SULT1B1: variants seen among roughly 807,000 people sequenced by gnomAD.
SULT1B1 encodes sulfotransferase family 1B member 1.
Under a neutral mutation model 34.6 loss-of-function variants are expected in SULT1B1, and 28 were observed. The ratio of observed to expected loss-of-function variants is 0.81; its 90% CI spans 0.60 to 1.11. SULT1B1 has a LOEUF of 1.11. SULT1B1 is among the 50% of genes least tolerant of loss of function. The probability of loss-of-function intolerance (pLI) is 0.00; values close to 1 mark genes in which losing one functional copy is unlikely to be tolerated. For missense variants in SULT1B1, 374 were observed against 352.2 expected, an observed-to-expected ratio of 1.06 and a Z score of -0.50; for synonymous variants, 147 against 110.2, an observed-to-expected ratio of 1.33 and a Z score of -2.09.
intron 6 of SULT1B1, among the ~76,000 whole-genome samples, chr4:69,732,983 C>A (rs936668574): frequency 1.3e-5 from 2 of 151,794 alleles, no homozygotes; most frequent in African/African-American, 2.4e-5. Context: ...GCTAGAAAAT[C>A]GAGGTAGAAG....
At chr4:69,744,371 C>T (rs567690054) in intron 4 of SULT1B1, among the ~76,000 whole-genome samples, 2 of 152,252 alleles carry the variant, frequency 1.3e-5, no homozygotes, top group Non-Finnish European at 2.9e-5. Context: ...GGGTCCTGCC[C>T]GGCCATGCAA....
At position 69,727,019 on chromosome 4, in the gene SULT1B1, T is replaced by C; in HGVS notation, c.*69A>G. 8.7e-7 allele frequency: 1 copy of C among 1,143,074 alleles called. No homozygotes were observed. The highest frequency in any genetic ancestry group is 2.6e-5 in the East Asian group (1 of 38,460). 70.8% of individuals were successfully genotyped at this position (1,143,074 alleles called of 1,614,324 possible). The stretch of plus-strand genomic sequence containing the variant: ...AATTCATTTGATTGCCCAAATCAAT[T>C]CATAACTGCCCTCGTTTCAATCAAC... On this transcript the variant is annotated 3_prime_UTR_variant, in exon 8 of 8. Coordinates refer to ENST00000310613, the MANE Select transcript of SULT1B1 (RefSeq NM_014465.4).
At chr4:69,746,101 T>C (rs906761538) in intron 4 of SULT1B1, among the ~76,000 whole-genome samples, 1 of 152,226 alleles carries the variant, frequency 6.6e-6, no homozygotes, top group Non-Finnish European at 1.5e-5. Context: ...GTTTCCTTTG[T>C]ACATGACCTG....
At chr4:69,743,418 T>C (rs527241976) in intron 4 of SULT1B1, among the ~76,000 whole-genome samples, 2 of 152,244 alleles carry the variant, frequency 1.3e-5, no homozygotes, top group East Asian at 3.9e-4. Flanking sequence ...TGCAGTCCCA[T>C]TGGTCCATGG....
chr4:69,758,086 T>C, intron 1 of SULT1B1, among the ~76,000 whole-genome samples: 1 of 152,212 alleles, frequency 6.6e-6, no homozygotes, highest in Non-Finnish European at 1.5e-5. Flanking sequence ...ACTTTGTTAG[T>C]GGAGATAGTC....
At chr4:69,744,428 G>T (rs1038129175) in intron 4 of SULT1B1, among the ~76,000 whole-genome samples, 2 of 152,176 alleles carry the variant, frequency 1.3e-5, no homozygotes, top group African/African-American at 4.8e-5. Flanking sequence ...GGGGCACAGG[G>T]GTCCCACTGC....
In SULT1B1 at chr4:69,734,345, A is replaced by G; in HGVS notation, c.376-81T>C. On this transcript the variant is annotated intron_variant, in intron 4 of 7. Coordinates refer to ENST00000310613, the MANE Select transcript of SULT1B1 (RefSeq NM_014465.4). ...GGAAAAAATTAACCTATACGCATGTAAAAAAGCAGAGTACTTTTTCAAATA... is the reference window on the plus strand; with the variant it reads ...GGAAAAAATTAACCTATACGCATGTGAAAAAGCAGAGTACTTTTTCAAATA... The G allele has an allele frequency of 4.8e-6, 7 of 1,453,054 alleles. No homozygotes were observed. In the Middle Eastern group the frequency reaches 5.3e-4, roughly 110 times the overall value. 90.0% of individuals were successfully genotyped at this position (1,453,054 alleles called of 1,614,324 possible).
At chr4:69,755,025 CA>C (rs548803775) in intron 2 of SULT1B1, 44 bp downstream of exon 2, 38 of 1,523,092 alleles carry the variant, frequency 2.5e-5, no homozygotes, top group African/African-American at 2.2e-4. Context: ...TTCCAGGAAA[CA>C]AAAAATGAGG....
rs1004776865 is a variant in SULT1B1 at position 69,721,495 on chromosome 4, A to C, written c.*5593T>G. ...TATCTTTTTTTCTGTATATGAAAGG[A>C]ATTACAAAATATGGAGAAGGGTTGT... On this transcript the variant is annotated 3_prime_UTR_variant, in exon 8 of 8. Transcript: ENST00000310613. The C allele has an allele frequency of 6.6e-6, 1 of 152,080 alleles. No homozygotes were observed. The highest frequency in any genetic ancestry group is 1.5e-5 in the Non-Finnish European group (1 of 67,972). The allele number at this position is 152,080 out of a possible 1,614,324, so 9.4% of individuals were successfully genotyped here.
chr4:69,736,245 C>T (rs1448522386), intron 4 of SULT1B1, among the ~76,000 whole-genome samples: 2 of 152,198 alleles, frequency 1.3e-5, no homozygotes, highest in African/African-American at 4.8e-5. Flanking sequence ...CTAAAGTGCT[C>T]TGCACCTGTA....
At chr4:69,733,930 C>T (rs1718188667) in intron 5 of SULT1B1, among the ~76,000 whole-genome samples, 1 of 152,018 alleles carries the variant, frequency 6.6e-6, no homozygotes, top group African/African-American at 2.4e-5. Flanking sequence ...TTATAGAATA[C>T]TTTTGTATGC....
At chr4:69,756,960 G>GAC (rs3076390) in intron 1 of SULT1B1, among the ~76,000 whole-genome samples, 43,730 of 147,872 alleles carry the variant, frequency 0.3, 7,337 homozygotes, top group South Asian at 0.45. Flanking sequence ...CACCCTCACA[G>GAC]ACACACACAC....
rs1453801199 is a variant in SULT1B1, at chr4:69,721,254, A to C, written c.*5834T>G. 6.6e-6 allele frequency: 1 copy of C among 152,162 alleles called. No individual in the cohort carries two copies. Among genetic ancestry groups the C allele is most frequent in the African/African-American group, 2.4e-5 (1 of 41,448 alleles). The allele number at this position is 152,162 out of a possible 1,614,324, so 9.4% of individuals were successfully genotyped here. ...TGAAAGTAATGTCTCGATAATGTGG[A>C]AATTTTACATATATATATAAAACAG... is the stretch of plus-strand genomic sequence containing the variant. On this transcript the variant is annotated 3_prime_UTR_variant, in exon 8 of 8. Coordinates refer to ENST00000310613, the MANE Select transcript of SULT1B1 (RefSeq NM_014465.4).
chr4:69,723,502 G>A lies in SULT1B1; in HGVS notation c.*3586C>T, dbSNP rs1005884761. The A allele has an allele frequency of 6.6e-6, 1 of 152,410 alleles. No individual in the cohort carries two copies. The highest frequency in any genetic ancestry group is 2.1e-4 in the South Asian group (1 of 4,826). The allele number at this position is 152,410 out of a possible 1,614,324, so 9.4% of individuals were successfully genotyped here. On this transcript the variant is annotated 3_prime_UTR_variant, in exon 8 of 8. Transcript: ENST00000310613. ...ACTATTCCAATGAACAGAAAAGGAG[G>A]GAATCCTCCCTAACTCATTTTATGA...
chr4:69,734,328 T>A (rs1300053857), intron 4 of SULT1B1, 64 bp from the exon 5 acceptor site: 2 of 1,552,094 alleles, frequency 1.3e-6, no homozygotes, highest in Non-Finnish European at 1.7e-6. Flanking sequence ...TAGGAAAAAA[T>A]TAACCTATAC....
chr4:69,759,911 A>C (rs1266267153), intron 1 of SULT1B1, among the ~76,000 whole-genome samples: 9 of 152,230 alleles, frequency 5.9e-5, no homozygotes, highest in Admixed American at 5.9e-4. Flanking sequence ...ATAAAAAACA[A>C]TGCCTGTTTT....
At chr4:69,740,773 T>C (rs1718515465) in intron 4 of SULT1B1, among the ~76,000 whole-genome samples, 1 of 152,236 alleles carries the variant, frequency 6.6e-6, no homozygotes, top group Non-Finnish European at 1.5e-5. Flanking sequence ...CAGTTTTTAA[T>C]TGGGTTGTTT....
In SULT1B1 at chr4:69,754,810, G is replaced by A; in HGVS notation, c.149-12C>T. On this transcript the variant is annotated splice_polypyrimidine_tract_variant and intron_variant, in intron 2 of 7. Coordinates refer to ENST00000310613, the MANE Select transcript of SULT1B1 (RefSeq NM_014465.4). ...AACCCAAGTAGTACCTGTGACAAAA[G>A]GCAACATTTTCAAAATAATTACCCA... The A allele has an allele frequency of 6.2e-7, 1 of 1,605,974 alleles. No homozygotes were observed. The highest frequency in any genetic ancestry group is 8.5e-7 in the Non-Finnish European group (1 of 1,176,636).
chr4:69,757,782 A>G (rs1207511478), intron 1 of SULT1B1, among the ~76,000 whole-genome samples: 2 of 152,182 alleles, frequency 1.3e-5, no homozygotes, highest in Non-Finnish European at 2.9e-5. Context: ...GTAGCATCTT[A>G]TGCTACAAAT....
Sources: gnomAD v4.1 joint callset for allele counts (sites outside exome capture counted in the v4.1 genomes callset) on GRCh38, gnomAD v4.1.1 for gene constraint, MANE v1.5 for transcripts, NCBI Gene and HGNC (gene_info 2026-07-23, HGNC 2026-07-21) for gene names.